PDIA6: variants seen among roughly 807,000 people sequenced by gnomAD.
The protein encoded by PDIA6 is protein disulfide-isomerase A6.
In PDIA6, 29 loss-of-function variants were observed where a neutral mutation model predicts 58.4. That is an observed-to-expected ratio of 0.50 (90% CI 0.37 to 0.68). The LOEUF (loss-of-function observed/expected upper bound fraction) is 0.68. Ranked by LOEUF, PDIA6 falls within the 30% of genes least tolerant of loss-of-function variation. The pLI, the probability that PDIA6 is intolerant of heterozygous loss-of-function variation, is 0.00. For synonymous variants in PDIA6, 192 were observed against 202.6 expected (o/e 0.95, Z 0.44); for missense variants, 480 against 551.0 (o/e 0.87, Z 1.29).
chr2:10,799,033 G>A (rs930960441), intron 2 of PDIA6, among the ~76,000 whole-genome samples: 5 of 124,062 alleles, frequency 4.0e-5, no homozygotes, highest in South Asian at 2.7e-4. Context: ...CAGGGAAAGC[G>A]GAAGAGAGTG....
upstream of PDIA6, among the ~76,000 whole-genome samples, chr2:10,816,482 A>T (rs1211656928): frequency 7.1e-6 from 1 of 141,604 alleles, no homozygotes; most frequent in African/African-American, 2.7e-5. Flanking sequence ...TTGTCTCTTC[A>T]GCCTCTATTC....
chr2:10,813,803 T>G (rs1052576396), upstream of PDIA6, among the ~76,000 whole-genome samples: 2 of 150,980 alleles, frequency 1.3e-5, no homozygotes, highest in Non-Finnish European at 2.9e-5. Flanking sequence ...GCCCGGCTAA[T>G]TTTTGTATTT....
chr2:10,784,019 ATAT>A lies in PDIA6; in HGVS notation c.*236_*238del, dbSNP rs1237722859. ...TTTCGACAGCCAAGTTTTCTTCAAA[ATAT>A]TATGTGACAGAATACGACTCAATTC... On this transcript the variant is annotated 3_prime_UTR_variant, in exon 13 of 13. Coordinates refer to ENST00000272227, the MANE Select transcript of PDIA6 (RefSeq NM_005742.4). The A allele has an allele frequency of 5.8e-6, 2 of 342,364 alleles. No homozygotes were observed. The highest frequency in any genetic ancestry group is 2.1e-5 in the African/African-American group (1 of 47,416). 21.2% of individuals were successfully genotyped at this position (342,364 alleles called of 1,614,324 possible).
intron 11 of PDIA6, among the ~76,000 whole-genome samples, chr2:10,786,527 CACACGTCTCCACACAGCACACAA>C (rs1665767468): frequency 8.0e-6 from 1 of 124,712 alleles, no homozygotes. Context: ...ACAGCACACA[CACACGTCTCCACACAGCACACAA>C]ACTTCTGTGT....
chr2:10,798,572 C>T (rs1490465252), intron 2 of PDIA6, among the ~76,000 whole-genome samples: 3 of 97,082 alleles, frequency 3.1e-5, no homozygotes, highest in Admixed American at 1.0e-4. Context: ...TGTCCCCCAC[C>T]CAAAAAAAAA....
intron 1 of PDIA6, among the ~76,000 whole-genome samples, chr2:10,825,102 C>G (rs1383613553): frequency 6.6e-6 from 1 of 152,152 alleles, no homozygotes; most frequent in African/African-American, 2.4e-5. Context: ...CATCTTTCTC[C>G]CATGCTGGAT....
chr2:10,806,003 A>G (rs1453775119), intron 1 of PDIA6, among the ~76,000 whole-genome samples: 1 of 93,670 alleles, frequency 1.1e-5, no homozygotes, highest in African/African-American at 3.2e-5. Flanking sequence ...TGGCACATGT[A>G]CCCTAAAACT....
chr2:10,816,332 C>T (rs1285134335), upstream of PDIA6, among the ~76,000 whole-genome samples: 2 of 151,102 alleles, frequency 1.3e-5, no homozygotes, highest in African/African-American at 4.9e-5. Context: ...GTGATCCACC[C>T]GTCTCGACCT....
intron 1 of PDIA6, among the ~76,000 whole-genome samples, chr2:10,807,080 C>A (rs1666796922): frequency 6.6e-6 from 1 of 152,122 alleles, no homozygotes; most frequent in African/African-American, 2.4e-5. Flanking sequence ...TTAAGCAACA[C>A]ATGACAATAT....
chr2:10,821,890 T>C (rs1734408), intron 1 of PDIA6, among the ~76,000 whole-genome samples: 92,847 of 151,632 alleles, frequency 0.61, 28,871 homozygotes, highest in East Asian at 0.8. Flanking sequence ...TCTCAAAGTT[T>C]TGGGATTACA....
intron 5 of PDIA6, 88 bp from the exon 6 acceptor site, chr2:10,792,013 A>T: frequency 7.3e-7 from 1 of 1,372,932 alleles, no homozygotes; most frequent in Non-Finnish European, 1.0e-6. Flanking sequence ...CTACATCTTA[A>T]CAAAGTTTTA....
Position 10,787,292 on chromosome 2 carries a change from G to T in PDIA6, c.1146C>A (p.Asn382Lys), listed in dbSNP as rs140988540. Reference protein sequence around the residue: ...LKGSFSEQGINEFLRELSFGR... With the variant: ...LKGSFSEQGIKEFLRELSFGR... ...AGAAAACAAATTACCTGAGAAACTCGTTGATGCCTTGCTCACTGAAGGAGC... is the reference window on the plus strand; with the variant it reads ...AGAAAACAAATTACCTGAGAAACTCTTTGATGCCTTGCTCACTGAAGGAGC... Residue 382 changes from asparagine to lysine, a missense_variant, in exon 11 of 13, where the codon AAC becomes AAA. Coordinates refer to ENST00000272227, the MANE Select transcript of PDIA6 (RefSeq NM_005742.4). 2 of 1,613,780 alleles carry T rather than the reference G, an allele frequency of 1.2e-6. No individual in the cohort carries two copies. Among genetic ancestry groups the T allele is most frequent in the Non-Finnish European group, 8.5e-7 (1 of 1,179,768 alleles).
In PDIA6 at chr2:10,784,285, A is replaced by G; in HGVS notation, c.1296T>C (p.Leu432=). 6 of 1,613,348 alleles carry G rather than the reference A, an allele frequency of 3.7e-6. No individual in the cohort carries two copies. Among genetic ancestry groups the G allele is most frequent in the Non-Finnish European group, 5.1e-6 (6 of 1,179,840 alleles). The change falls in exon 13 of 13, where the codon CTT becomes CTC. Residue 432 remains leucine, a synonymous_variant. Coordinates refer to ENST00000272227, the MANE Select transcript of PDIA6 (RefSeq NM_005742.4). ...ACAACTCATCTTTCCCTAAGTCATCAAGCTCCACATCACTGAGGTCAATGT... is the reference window on the plus strand; with the variant it reads ...ACAACTCATCTTTCCCTAAGTCATCGAGCTCCACATCACTGAGGTCAATGT... ...EDDIDLSDVE[L]DDLGKDEL is the part of the protein sequence containing the mutation.
intron 3 of PDIA6, 42 bp downstream of exon 3, chr2:10,797,656 TAA>T: frequency 2.8e-6 from 4 of 1,423,122 alleles, no homozygotes; most frequent in Non-Finnish European, 3.0e-6. Context: ...AAACTTACTG[TAA>T]AAAAAAGTTT....
At chr2:10,786,288 G>A (rs1056699181) in intron 11 of PDIA6, among the ~76,000 whole-genome samples, 3 of 151,428 alleles carry the variant, frequency 2.0e-5, no homozygotes, top group East Asian at 1.9e-4. Flanking sequence ...GTGCCAGCCC[G>A]GACGACACAG....
chr2:10,783,445 T>C lies in PDIA6; in HGVS notation c.*813A>G, dbSNP rs1366583072. On this transcript the variant is annotated 3_prime_UTR_variant, in exon 13 of 13. Transcript: ENST00000272227. ...TTACAATAAAATGCTCTCAAGTCCT[T>C]TGAATGTTCCAACAAATTCAAAACT... The C allele has an allele frequency of 1.2e-5, 6 of 505,860 alleles. No homozygotes were observed. The highest frequency in any genetic ancestry group is 3.4e-5 in the East Asian group (1 of 29,758). 31.3% of individuals were successfully genotyped at this position (505,860 alleles called of 1,614,324 possible). A position where few individuals can be genotyped will look rare whatever the true frequency, so the allele number is the denominator to read the frequency against.
chr2:10,832,431 T>C, exon 1 of PDIA6: 4 of 985,428 alleles, frequency 4.1e-6, no homozygotes, highest in Non-Finnish European at 4.8e-6. Flanking sequence ...TTCTATTAAT[T>C]CCTGTTTGAA....
intron 6 of PDIA6, 80 bp from the exon 7 acceptor site, chr2:10,790,913 A>G: frequency 1.0e-6 from 1 of 990,142 alleles, no homozygotes; most frequent in Non-Finnish European, 1.6e-6. Flanking sequence ...GCAGTGGTGC[A>G]ATCATGGCTC....
At chr2:10,788,045 AAG>A (rs922398354) in intron 10 of PDIA6, among the ~76,000 whole-genome samples, 6 of 141,220 alleles carry the variant, frequency 4.2e-5, no homozygotes, top group Non-Finnish European at 9.2e-5. Context: ...CACCCTGGGC[AAG>A]AGAGTGAGAC....
Sources: allele counts gnomAD v4.1 joint callset (sites outside exome capture counted in the v4.1 genomes callset), GRCh38; gene constraint gnomAD v4.1.1; transcripts MANE v1.5; gene names NCBI Gene and HGNC (gene_info 2026-07-23, HGNC 2026-07-21).